ERBB4: variants seen among roughly 807,000 people sequenced by gnomAD.
The protein encoded by ERBB4 is receptor tyrosine-protein kinase erbB-4.
ERBB4 carries 42 observed loss-of-function variants against 158.0 expected under a neutral mutation model. The observed-to-expected ratio is 0.27, with a 90% CI of 0.21 to 0.34. The LOEUF is 0.34. ERBB4 is among the 10% of genes least tolerant of loss of function. ERBB4 has a pLI of 1.00. For missense variants in ERBB4, 1,333 were observed against 1,624.1 expected, an observed-to-expected ratio of 0.82 and a Z score of 3.08; for synonymous variants, 583 against 558.7, an observed-to-expected ratio of 1.04 and a Z score of -0.61.
intron 19 of ERBB4, among the ~76,000 whole-genome samples, chr2:211,611,782 A>T (rs114588869): frequency 1.1e-3 from 166 of 152,258 alleles, no homozygotes; most frequent in African/African-American, 3.7e-3. Context: ...AAATTACTAC[A>T]CAAGTCACCA....
chr2:212,384,275 T>G (rs1278230649), intron 1 of ERBB4, among the ~76,000 whole-genome samples: 4 of 151,674 alleles, frequency 2.6e-5, no homozygotes, highest in Non-Finnish European at 5.9e-5. Context: ...TCAAAATTCT[T>G]GTCCAGATTT....
chr2:211,765,741 A>G (rs1261434471), intron 4 of ERBB4, among the ~76,000 whole-genome samples: 1 of 152,226 alleles, frequency 6.6e-6, no homozygotes, highest in African/African-American at 2.4e-5. Context: ...TTAGAAATGT[A>G]GAAGTGATGG....
rs140239415 is a variant in ERBB4, at chr2:211,422,885, C to G, written c.2867-781G>C. On this transcript the variant is annotated intron_variant, in intron 23 of 27. Coordinates refer to ENST00000342788, the MANE Select transcript of ERBB4 (RefSeq NM_005235.3). The stretch of plus-strand genomic sequence containing the variant: ...ACAGGATTAAATTATATAAGACATG[C>G]ATGTTTTTAAACTTTCTTCCATAGA... Among the ~76,000 whole-genome samples the G allele has an allele frequency of 3.5e-3, 535 of 151,914 alleles. 2 individuals carry two copies. The highest frequency in any genetic ancestry group is 0.012 in the African/African-American group (501 of 41,460).
chr2:212,009,244 T>A (rs1575509732), intron 2 of ERBB4, among the ~76,000 whole-genome samples: 1 of 152,104 alleles, frequency 6.6e-6, no homozygotes, highest in Non-Finnish European at 1.5e-5. Context: ...AAGTTAAGGA[T>A]GTTAAGATGA....
intron 2 of ERBB4, among the ~76,000 whole-genome samples, chr2:211,999,920 C>T (rs948484302): frequency 1.3e-5 from 2 of 151,514 alleles, no homozygotes; most frequent in African/African-American, 4.8e-5. Flanking sequence ...TAATTTTAGA[C>T]CAGTGGTTAT....
chr2:212,475,748 A>C (rs1252395725), intron 1 of ERBB4, among the ~76,000 whole-genome samples: 1 of 152,176 alleles, frequency 6.6e-6, no homozygotes, highest in East Asian at 1.9e-4. Context: ...ATTAAGTCTT[A>C]TGAATTAGAA....
chr2:212,067,834 G>A (rs550421604), intron 2 of ERBB4, among the ~76,000 whole-genome samples: 15 of 151,992 alleles, frequency 9.9e-5, no homozygotes, highest in East Asian at 7.7e-4. Flanking sequence ...TAGTTCCTGC[G>A]GGTAACTTGC....
At chr2:212,080,907 T>A (rs1431408675) in intron 2 of ERBB4, among the ~76,000 whole-genome samples, 1 of 152,176 alleles carries the variant, frequency 6.6e-6, no homozygotes, top group Non-Finnish European at 1.5e-5. Context: ...ATATTATTTC[T>A]GGATGCTTCA....
chr2:212,188,750 G>A (rs2082103198), intron 1 of ERBB4, among the ~76,000 whole-genome samples: 2 of 150,742 alleles, frequency 1.3e-5, no homozygotes, highest in Non-Finnish European at 3.0e-5. Context: ...TATTATTTTA[G>A]GTCATCTTCC....
chr2:211,498,028 A>G (rs756603632), intron 20 of ERBB4, among the ~76,000 whole-genome samples: 7 of 152,096 alleles, frequency 4.6e-5, no homozygotes, highest in Non-Finnish European at 7.4e-5. Flanking sequence ...ATTGTGTACT[A>G]TCACCAAGAG....
At chr2:212,006,916 A>G (rs1235035046) in intron 2 of ERBB4, among the ~76,000 whole-genome samples, 1 of 152,058 alleles carries the variant, frequency 6.6e-6, no homozygotes, top group East Asian at 1.9e-4. Flanking sequence ...GCATAATGAA[A>G]TTAATGATAG....
At chr2:212,223,429 T>A (rs58778427) in intron 1 of ERBB4, among the ~76,000 whole-genome samples, 1,468 of 37,418 alleles carry the variant, frequency 0.039, 18 homozygotes, top group African/African-American at 0.15. Context: ...ATATATATAT[T>A]TTTTTTATTT....
chr2:212,055,754 C>T (rs2077543901), intron 2 of ERBB4, among the ~76,000 whole-genome samples: 2 of 152,210 alleles, frequency 1.3e-5, no homozygotes, highest in Non-Finnish European at 2.9e-5. Context: ...ACAAAAAGGA[C>T]ATCCACACCA....
chr2:212,191,646 AAC>A (rs1282567245), intron 1 of ERBB4, among the ~76,000 whole-genome samples: 3 of 125,670 alleles, frequency 2.4e-5, no homozygotes, highest in Non-Finnish European at 5.3e-5. Flanking sequence ...TGCTATATAT[AAC>A]ACATGCGTTA....
intron 1 of ERBB4, among the ~76,000 whole-genome samples, chr2:212,515,932 C>T (rs916147721): frequency 1.3e-5 from 2 of 151,722 alleles, no homozygotes; most frequent in Non-Finnish European, 2.9e-5. Flanking sequence ...AAAAATAAAA[C>T]AATAAAAGCA....
At chr2:212,133,342 T>C (rs1485105483) in intron 1 of ERBB4, among the ~76,000 whole-genome samples, 1 of 151,828 alleles carries the variant, frequency 6.6e-6, no homozygotes, top group Non-Finnish European at 1.5e-5. Flanking sequence ...CCACCTTATC[T>C]AAAATAGACA....
At chr2:212,034,372 T>C (rs568787874) in intron 2 of ERBB4, among the ~76,000 whole-genome samples, 2 of 152,182 alleles carry the variant, frequency 1.3e-5, no homozygotes, top group African/African-American at 4.8e-5. Flanking sequence ...AATATGGCTT[T>C]ATTAGCTGAC....
At chr2:211,532,850 T>G (rs1472216173) in intron 20 of ERBB4, among the ~76,000 whole-genome samples, 1 of 151,994 alleles carries the variant, frequency 6.6e-6, no homozygotes, top group Non-Finnish European at 1.5e-5. Flanking sequence ...TTCTCTATAC[T>G]TCTCAAATAT....
At chr2:211,738,034 T>C (rs193032993) in intron 5 of ERBB4, among the ~76,000 whole-genome samples, 1,825 of 152,142 alleles carry the variant, frequency 0.012, 29 homozygotes, top group African/African-American at 0.042. Flanking sequence ...AATCTAAGTG[T>C]TAAAATAATA....
Sources: gnomAD v4.1 joint callset for allele counts (sites outside exome capture counted in the v4.1 genomes callset) on GRCh38, gnomAD v4.1.1 for gene constraint, MANE v1.5 for transcripts, NCBI Gene and HGNC (gene_info 2026-07-23, HGNC 2026-07-21) for gene names.